The following EPN3 variants were observed in gnomAD, a reference collection of about 807,000 sequenced individuals.
EPN3 encodes epsin 3.
Under a neutral mutation model 55.5 loss-of-function variants are expected in EPN3, and 56 were observed. That is an observed-to-expected ratio of 1.01 (90% CI 0.81 to 1.26). The LOEUF (loss-of-function observed/expected upper bound fraction) is 1.26. EPN3 is among the 50% of genes most tolerant of loss of function. The pLI, the probability that EPN3 is intolerant of heterozygous loss-of-function variation, is 0.00. For synonymous variants in EPN3, 449 were observed against 375.2 expected, an observed-to-expected ratio of 1.20 and a Z score of -2.27; for missense variants, 927 against 853.4, an observed-to-expected ratio of 1.09 and a Z score of -1.07.
Position 50,542,282 on chromosome 17 carries a change from C to A in EPN3, c.*125C>A. 1 of 1,109,296 alleles carries A rather than the reference C, an allele frequency of 9.0e-7. No individual in the cohort carries two copies. 68.7% of individuals were successfully genotyped at this position (1,109,296 alleles called of 1,614,324 possible). ...CGAGCCAGTGGCGGCTGGTATCCCG[C>A]GGCGGCTCTGGAAGCTGGACGCGGA... On this transcript the variant is annotated 3_prime_UTR_variant, in exon 10 of 10. Coordinates refer to ENST00000268933, the MANE Select transcript of EPN3 (RefSeq NM_017957.3).
At chr17:50,536,246 T>C in intron 1 of EPN3, 175 bp from the exon 2 acceptor site, 1 of 404,036 alleles carries the variant, frequency 2.5e-6, no homozygotes, top group Non-Finnish European at 4.5e-6. Context: ...GATAGATAGA[T>C]GAGCATGCAA....
Position 50,541,876 on chromosome 17 carries a change from G to A in EPN3, c.1618G>A (p.Gly540Ser), listed in dbSNP as rs1376593152. Residue 540 changes from glycine to serine, a missense_variant, in exon 10 of 10, where the codon GGC (glycine) becomes AGC (serine). Coordinates refer to ENST00000268933, the MANE Select transcript of EPN3 (RefSeq NM_017957.3). ...LSAPSPTNPF[G>S]AGEPGRPTLN... ...CGCTCCGTCCCCCACCAACCCGTTC[G>A]GCGCGGGCGAGCCGGGCAGGCCGAC... 6.2e-7 allele frequency: 1 copy of A among 1,608,612 alleles called. No homozygotes were observed. Among genetic ancestry groups the A allele is most frequent in the Admixed American group, 1.7e-5 (1 of 59,984 alleles).
intron 8 of EPN3, 39 bp downstream of exon 8, chr17:50,541,372 AG>A: frequency 6.2e-7 from 1 of 1,607,810 alleles, no homozygotes. Context: ...CTGGGGAATG[AG>A]GGGCCCACCC....
At position 50,542,296 on chromosome 17, in the gene EPN3, G is replaced by A. The variant is rs1456182712; in HGVS notation, c.*139G>A. 19 of 910,396 alleles carry A rather than the reference G, an allele frequency of 2.1e-5. No individual in the cohort carries two copies. Among genetic ancestry groups the A allele is most frequent in the Non-Finnish European group, 2.9e-5 (19 of 662,762 alleles). 56.4% of individuals were successfully genotyped at this position (910,396 alleles called of 1,614,324 possible). A position where few individuals can be genotyped will look rare whatever the true frequency, so the allele number is the denominator to read the frequency against. ...CTGGTATCCCGCGGCGGCTCTGGAA[G>A]CTGGACGCGGACCACGGCCCGGGAG... is the stretch of plus-strand genomic sequence containing the variant. On this transcript the variant is annotated 3_prime_UTR_variant, in exon 10 of 10. Coordinates refer to ENST00000268933, the MANE Select transcript of EPN3 (RefSeq NM_017957.3).
intron 1 of EPN3, chr17:50,534,576 A>C: frequency 2.0e-6 from 2 of 985,476 alleles, no homozygotes; most frequent in Non-Finnish European, 2.4e-6. Flanking sequence ...GGAGGGCAGG[A>C]GTTAAACAAG....
At chr17:50,538,570 TATC>T (rs1286043333) in intron 3 of EPN3, 3 of 370,576 alleles carry the variant, frequency 8.1e-6, no homozygotes, top group Non-Finnish European at 1.5e-5. Flanking sequence ...AGGCCCCCGA[TATC>T]ATCATCTTTG....
At position 50,538,922 on chromosome 17, in the gene EPN3, G is replaced by A; in HGVS notation, c.720G>A (p.Gln240=). ...CCTCCCACAGGGACGAGGACCTGCA[G>A]CTGCAGCTGGCTCTGCGCCTGAGCC... The part of the protein sequence containing the change: ...PPASHRDEDL[Q]LQLALRLSRQ... The change falls in exon 4 of 10, where the codon CAG becomes CAA. Residue 240 remains glutamine (Q), a synonymous_variant. Transcript: ENST00000268933. 6.2e-7 allele frequency: 1 copy of A among 1,608,466 alleles called. No homozygotes were observed. Among genetic ancestry groups the A allele is most frequent in the South Asian group, 1.1e-5 (1 of 90,726 alleles).
At position 50,532,925 on chromosome 17, in the gene EPN3, C is replaced by T. The variant is rs1017591979; in HGVS notation, c.-197C>T. The T allele has an allele frequency of 9.3e-6, 12 of 1,285,958 alleles. No individual in the cohort carries two copies. Among genetic ancestry groups the T allele is most frequent in the South Asian group, 5.0e-5 (4 of 80,794 alleles). 79.7% of individuals were successfully genotyped at this position (1,285,958 alleles called of 1,614,324 possible). A position where few individuals can be genotyped will look rare whatever the true frequency, so the allele number is the denominator to read the frequency against. ...TGTGCCGTCCCGCTGCTGCACAGGT[C>T]GGAGGGTCACCGCAGAGGCTACTCG... On this transcript the variant is annotated 5_prime_UTR_variant, in exon 1 of 10. Transcript: ENST00000268933.
At position 50,542,069 on chromosome 17, in the gene EPN3, C is replaced by T. The variant is rs1475711513; in HGVS notation, c.1811C>T (p.Ala604Val). Reference sequence around the variant, plus strand: ...GTTAGCGTCTTCCCGCAGGCCGGAGCCTTCGCACCGCAGCCGCTGCTGCCC... The same window carrying T: ...GTTAGCGTCTTCCCGCAGGCCGGAGTCTTCGCACCGCAGCCGCTGCTGCCC... ...ASVSVFPQAG[A>V]FAPQPLLPTP... The change falls in exon 10 of 10, where the codon GCC becomes GTC. Residue 604 changes from alanine (A) to valine (V), a missense_variant. Physicochemically the swap from Ala to Val is moderately conservative, Grantham distance 64. Coordinates refer to ENST00000268933, the MANE Select transcript of EPN3 (RefSeq NM_017957.3). 3 of 1,586,400 alleles carry T rather than the reference C, an allele frequency of 1.9e-6. No individual in the cohort carries two copies. Among genetic ancestry groups the T allele is most frequent in the Non-Finnish European group, 2.6e-6 (3 of 1,175,446 alleles).
chr17:50,542,413 C>A lies in EPN3; in HGVS notation c.*256C>A. On this transcript the variant is annotated 3_prime_UTR_variant, in exon 10 of 10. Coordinates refer to ENST00000268933, the MANE Select transcript of EPN3 (RefSeq NM_017957.3). ...TTTGCGGGGTGTGGCGGCCGGGTCTCGACCACAGCGTGGATCACCGGCTGT... is the reference window on the plus strand; with the variant it reads ...TTTGCGGGGTGTGGCGGCCGGGTCTAGACCACAGCGTGGATCACCGGCTGT... 1 of 427,360 alleles carries A rather than the reference C, an allele frequency of 2.3e-6. No homozygotes were observed. Among genetic ancestry groups the A allele is most frequent in the Non-Finnish European group, 4.1e-6 (1 of 243,278 alleles). 26.5% of individuals were successfully genotyped at this position (427,360 alleles called of 1,614,324 possible). A position where few individuals can be genotyped will look rare whatever the true frequency, so the allele number is the denominator to read the frequency against.
rs1398768172 is a variant in EPN3, at chr17:50,541,889, C to T, written c.1631C>T (p.Pro544Leu). ...SPTNPFGAGE[P>L]GRPTLNQMRT... ...ACCAACCCGTTCGGCGCGGGCGAGCCGGGCAGGCCGACGCTAAACCAGATG... is the reference window on the plus strand; with the variant it reads ...ACCAACCCGTTCGGCGCGGGCGAGCTGGGCAGGCCGACGCTAAACCAGATG... Residue 544 changes from proline to leucine, a missense_variant, in exon 10 of 10, where the codon CCG becomes CTG. By Grantham distance (98) the Pro-to-Leu change is moderately conservative. Transcript: ENST00000268933. The T allele has an allele frequency of 1.9e-6, 3 of 1,606,042 alleles. No individual in the cohort carries two copies. The highest frequency in any genetic ancestry group is 1.7e-5 in the Admixed American group (1 of 59,952).
Position 50,542,106 on chromosome 17 carries a change from A to T in EPN3, c.1848A>T (p.Ser616=), listed in dbSNP as rs545191021. The T allele has an allele frequency of 6.0e-5, 92 of 1,544,888 alleles. 1 individual carries two copies. In the African/African-American group the frequency reaches 1.1e-3, roughly 18 times the overall value. The change falls in exon 10 of 10, where the codon TCA becomes TCT. Residue 616 remains serine (S), a synonymous_variant. Transcript: ENST00000268933. ...APQPLLPTPS[S]AGPRPPPPQT... is the part of the protein sequence containing the mutation. ...AGCCGCTGCTGCCCACGCCGAGCTC[A>T]GCCGGGCCGCGGCCCCCGCCCCCGC... is the stretch of plus-strand genomic sequence containing the variant.
At position 50,543,285 on chromosome 17, in the gene EPN3, C is replaced by A. The variant is rs1357235612; in HGVS notation, c.*1128C>A. Reference sequence around the variant, plus strand: ...AGGCTAGCGAGAAACTCAGTCTTAGCCACACAGGAGGAATCGGACCCCTTC... The same window carrying A: ...AGGCTAGCGAGAAACTCAGTCTTAGACACACAGGAGGAATCGGACCCCTTC... On this transcript the variant is annotated 3_prime_UTR_variant, in exon 10 of 10. Transcript: ENST00000268933. 4 of 152,264 alleles carry A rather than the reference C, an allele frequency of 2.6e-5. No individual in the cohort carries two copies. The highest frequency in any genetic ancestry group is 4.4e-5 in the Non-Finnish European group (3 of 68,078). 9.4% of individuals were successfully genotyped at this position (152,264 alleles called of 1,614,324 possible).
intron 1 of EPN3, among the ~76,000 whole-genome samples, chr17:50,534,820 C>T (rs984991745): frequency 7.2e-5 from 11 of 152,124 alleles, no homozygotes; most frequent in Admixed American, 5.9e-4. Context: ...GAATCGGGTG[C>T]GAGAGGACAG....
chr17:50,541,212 CCTCT>C lies in EPN3; in HGVS notation c.1250-10_1250-7del, dbSNP rs749999201. 2 of 1,613,174 alleles carry C rather than the reference CCTCT, an allele frequency of 1.2e-6. No individual in the cohort carries two copies. Among genetic ancestry groups the C allele is most frequent in the African/African-American group, 1.3e-5 (1 of 74,902 alleles). On this transcript the variant is annotated splice_polypyrimidine_tract_variant and intron_variant, in intron 7 of 9. Transcript: ENST00000268933. ...CCTTTTTGTCAACCCATCTCCTCTT[CCTCT>C]CTCTCTTCCGAGGTGGTGCCTCGAC... is the stretch of plus-strand genomic sequence containing the variant.
Position 50,541,263 on chromosome 17 carries a change from T to A in EPN3, c.1284T>A (p.Pro428=). 1 of 1,613,506 alleles carries A rather than the reference T, an allele frequency of 6.2e-7. No individual in the cohort carries two copies. Among genetic ancestry groups the A allele is most frequent in the East Asian group, 2.2e-5 (1 of 44,866 alleles). The part of the protein sequence containing the change: ...GASTFDPFAK[P]PESTETKEGL... ...CGACCTTTGACCCATTTGCCAAACC[T>A]CCAGAATCCACAGAGACCAAGGAGG... is the stretch of plus-strand genomic sequence containing the variant. The change falls in exon 8 of 10, where the codon CCT becomes CCA. Residue 428 remains proline (P), a synonymous_variant. Coordinates refer to ENST00000268933, the MANE Select transcript of EPN3 (RefSeq NM_017957.3).
rs1376602857 is a variant in EPN3, at chr17:50,537,216, G to A, written c.562+98G>A. 3.2e-6 allele frequency: 4 copies of A among 1,236,772 alleles called. No homozygotes were observed. The African/African-American group carries it at 6.0e-5, about 19-fold the overall frequency. The allele number at this position is 1,236,772 out of a possible 1,614,324, so 76.6% of individuals were successfully genotyped here. Reference sequence around the variant, plus strand: ...CATGGTTCATAATACCTACCTCCGAGGGGTGTTATGAAGATTCAGACATAA... The same window carrying A: ...CATGGTTCATAATACCTACCTCCGAAGGGTGTTATGAAGATTCAGACATAA... On this transcript the variant is annotated intron_variant, in intron 2 of 9. Transcript: ENST00000268933.
At position 50,536,694 on chromosome 17, in the gene EPN3, G is replaced by T. The variant is rs1477947910; in HGVS notation, c.138G>T (p.Leu46=). 6.2e-7 allele frequency: 1 copy of T among 1,614,132 alleles called. No homozygotes were observed. Among genetic ancestry groups the T allele is most frequent in the Admixed American group, 1.7e-5 (1 of 60,032 alleles). The change falls in exon 2 of 10, where the codon CTG becomes CTT. Residue 46 remains leucine (L), a synonymous_variant. Coordinates refer to ENST00000268933, the MANE Select transcript of EPN3 (RefSeq NM_017957.3). The part of the protein sequence containing the change: ...PSSLMSEIAD[L]TFNTVAFTEV... ...CGCTCATGTCCGAGATCGCTGACCT[G>T]ACCTTCAACACAGTGGCCTTCACCG...
chr17:50,533,623 C>A (rs2144022989), intron 1 of EPN3, among the ~76,000 whole-genome samples: 1 of 152,260 alleles, frequency 6.6e-6, no homozygotes, highest in Non-Finnish European at 1.5e-5. Context: ...ATTTTTCGGT[C>A]CTGACTTTTG....
Sources: gnomAD v4.1 joint callset for allele counts (sites outside exome capture counted in the v4.1 genomes callset) on GRCh38, gnomAD v4.1.1 for gene constraint, MANE v1.5 for transcripts, NCBI Gene and HGNC (gene_info 2026-07-23, HGNC 2026-07-21) for gene names.